The following CEP192 variants were observed in gnomAD, a reference collection of about 807,000 sequenced individuals.
The protein encoded by CEP192 is centrosomal protein of 192 kDa.
CEP192 carries 151 observed loss-of-function variants against 271.8 expected under a neutral mutation model. The observed-to-expected ratio is 0.56, with a 90% confidence interval of 0.49 to 0.64. The LOEUF is 0.64. Ranked by LOEUF, CEP192 falls within the 30% of genes least tolerant of loss-of-function variation. The pLI is 0.00. For missense variants in CEP192, 2,910 were observed against 3,020.5 expected (o/e 0.96, Z 0.86); for synonymous variants, 995 against 1,076.5 (o/e 0.92, Z 1.48).
intron 9 of CEP192, among the ~76,000 whole-genome samples, chr18:13,026,672 T>C (rs2035320503): frequency 1.3e-5 from 2 of 152,354 alleles, no homozygotes; most frequent in Non-Finnish European, 2.9e-5. Flanking sequence ...AGTCTACCAA[T>C]GAGCCCAGCG....
intron 26 of CEP192, among the ~76,000 whole-genome samples, chr18:13,069,469 G>T (rs146470325): frequency 7.2e-4 from 110 of 152,304 alleles, no homozygotes; most frequent in South Asian, 2.5e-3. Flanking sequence ...AGAATGATCC[G>T]CACACGTTGA....
chr18:13,089,284 A>G (rs2039033432), intron 32 of CEP192, among the ~76,000 whole-genome samples, 172 bp from the exon 33 acceptor site: 1 of 152,180 alleles, frequency 6.6e-6, no homozygotes, highest in Non-Finnish European at 1.5e-5. Flanking sequence ...TTTTACTACC[A>G]TGTGTAATTT....
chr18:13,051,543 T>C (rs566325910), intron 17 of CEP192, among the ~76,000 whole-genome samples: 1 of 152,280 alleles, frequency 6.6e-6, no homozygotes, highest in South Asian at 2.1e-4. Context: ...TGGGACTTTT[T>C]ATTTATTTTT....
chr18:12,992,448 A>G (rs974071004), intron 1 of CEP192, among the ~76,000 whole-genome samples: 4 of 152,206 alleles, frequency 2.6e-5, no homozygotes, highest in African/African-American at 9.6e-5. Flanking sequence ...TTATGTACCT[A>G]GGAATGTAAT....
At position 13,006,598 on chromosome 18, in the gene CEP192, A is replaced by G. The variant is rs139475101; in HGVS notation, c.291-1858A>G. Among the ~76,000 whole-genome samples, 434 of 152,262 alleles carry G rather than the reference A, an allele frequency of 2.9e-3. 3 individuals carry two copies. Among genetic ancestry groups the G allele is most frequent in the African/African-American group, 0.01 (421 of 41,560 alleles). The stretch of plus-strand genomic sequence containing the variant: ...GTTCCTTTTCTCCGGGGCTGCTTGC[A>G]TAGTTTGTTCATTTTTATTTTTGTC... On this transcript the variant is annotated intron_variant, in intron 3 of 44. Transcript: ENST00000506447.
intron 4 of CEP192, among the ~76,000 whole-genome samples, chr18:13,011,151 T>A (rs1266235399): frequency 6.7e-6 from 1 of 149,904 alleles, no homozygotes; most frequent in East Asian, 2.0e-4. Flanking sequence ...CACTTGAACC[T>A]GGGAGGTGGA....
intron 30 of CEP192, among the ~76,000 whole-genome samples, chr18:13,075,951 A>G (rs1276731569): frequency 6.6e-6 from 1 of 152,208 alleles, no homozygotes; most frequent in Non-Finnish European, 1.5e-5. Context: ...CATCTGGAGC[A>G]GTGGTTCTCA....
Position 13,114,170 on chromosome 18 carries a change from C to T in CEP192, c.7208C>T (p.Ser2403Phe), listed in dbSNP as rs1271536260. ...AATGAGCCTGAAAACGCATGCCTTT[C>T]CACGGATTCCCTCATTAAAATAGAT... ...AENEPENACLSTDSLIKIDHL... is the reference protein window; with the variant it reads ...AENEPENACLFTDSLIKIDHL... The change falls in exon 42 of 45, where the codon TCC becomes TTC. Residue 2403 changes from serine to phenylalanine, a missense_variant. Transcript: ENST00000506447. 3 of 1,614,026 alleles carry T rather than the reference C, an allele frequency of 1.9e-6. No individual in the cohort carries two copies. The highest frequency in any genetic ancestry group is 2.5e-6 in the Non-Finnish European group (3 of 1,179,972).
chr18:12,995,690 A>G (rs1409542535), intron 1 of CEP192, among the ~76,000 whole-genome samples: 1 of 152,228 alleles, frequency 6.6e-6, no homozygotes, highest in Non-Finnish European at 1.5e-5. Context: ...GGTCAGTACT[A>G]TAGAACAGAG....
At chr18:13,080,503 G>A (rs2144598418) in intron 30 of CEP192, among the ~76,000 whole-genome samples, 1 of 152,316 alleles carries the variant, frequency 6.6e-6, no homozygotes, top group Non-Finnish European at 1.5e-5. Context: ...CTGAGACTTT[G>A]CTGAAGTTGC....
chr18:13,089,675 A>C (rs754381735), intron 33 of CEP192, 110 bp downstream of exon 33: 1 of 587,094 alleles, frequency 1.7e-6, no homozygotes, highest in Non-Finnish European at 3.0e-6. Context: ...ATGCAGTGTC[A>C]GGCAGAGTTT....
intron 38 of CEP192, among the ~76,000 whole-genome samples, chr18:13,103,150 GCAT>G (rs902494294): frequency 4.3e-4 from 66 of 152,298 alleles, no homozygotes; most frequent in African/African-American, 1.5e-3. Context: ...GTCACCCTGT[GCAT>G]CATCTCATAG....
intron 15 of CEP192, among the ~76,000 whole-genome samples, chr18:13,042,600 G>C (rs2036269687): frequency 6.6e-6 from 1 of 152,150 alleles, no homozygotes; most frequent in Admixed American, 6.5e-5. Flanking sequence ...GATCAAGAAA[G>C]AGAACATTGC....
chr18:13,116,900 C>T (rs1244314027), intron 43 of CEP192, among the ~76,000 whole-genome samples: 2 of 152,120 alleles, frequency 1.3e-5, no homozygotes, highest in African/African-American at 2.4e-5. Context: ...TGTGCCACCA[C>T]GCCCGGCCAT....
intron 34 of CEP192, among the ~76,000 whole-genome samples, chr18:13,094,513 C>T (rs2039295972): frequency 6.6e-6 from 1 of 152,110 alleles, no homozygotes; most frequent in African/African-American, 2.4e-5. Context: ...TTTGATAGGT[C>T]CCCCGTCCTT....
intron 21 of CEP192, among the ~76,000 whole-genome samples, chr18:13,065,364 G>A (rs570582354): frequency 6.6e-6 from 1 of 152,078 alleles, no homozygotes; most frequent in East Asian, 1.9e-4. Context: ...TTCCATTATA[G>A]GTAATTTGTT....
At chr18:13,110,406 A>G (rs2040154923) in intron 40 of CEP192, among the ~76,000 whole-genome samples, 1 of 151,740 alleles carries the variant, frequency 6.6e-6, no homozygotes, top group South Asian at 2.1e-4. Flanking sequence ...GTCCCAAAAT[A>G]AACCCTAATA....
chr18:13,104,058 G>A (rs978682279), intron 39 of CEP192: 20 of 315,008 alleles, frequency 6.3e-5, no homozygotes, highest in Middle Eastern at 2.2e-3. Flanking sequence ...TATATGCCTA[G>A]TCTTTTTCAC....
chr18:13,030,521 G>A lies in CEP192; in HGVS notation c.1447G>A (p.Asp483Asn), dbSNP rs1404092468. The change falls in exon 11 of 45, where the codon GAC becomes AAC. Residue 483 changes from aspartate (D) to asparagine (N), a missense_variant. Transcript: ENST00000506447. ...AAATGAAGAGGGTAGGTGGGTCACA[G>A]ACCTTGCCTATTACACATCTTTTAA... ...YQNEEGRWVT[D>N]LAYYTSFNSK... The A allele has an allele frequency of 6.2e-7, 1 of 1,612,548 alleles. No homozygotes were observed. Among genetic ancestry groups the A allele is most frequent in the Non-Finnish European group, 8.5e-7 (1 of 1,179,182 alleles).
Sources: gnomAD v4.1 joint callset for allele counts (sites outside exome capture counted in the v4.1 genomes callset) on GRCh38, gnomAD v4.1.1 for gene constraint, MANE v1.5 for transcripts, NCBI Gene and HGNC (gene_info 2026-07-23, HGNC 2026-07-21) for gene names.